Variants in ACACB observed in about 807,000 individuals in gnomAD.
ACACB encodes the protein acetyl-CoA carboxylase 2.
A neutral mutation model predicts 278.8 loss-of-function variants in ACACB; 209 were observed. The ratio of observed to expected loss-of-function variants is 0.75; its 90% CI spans 0.67 to 0.84. The LOEUF is 0.84. Among genes scored for constraint, ACACB ranks in the 40% least tolerant of loss-of-function variants. The pLI is 0.00. For synonymous variants in ACACB, 1,174 were observed against 1,285.6 expected (o/e 0.91, Z 1.86); for missense variants, 2,850 against 3,269.0 (o/e 0.87, Z 3.13).
At chr12:109,229,096 C>T (rs1177044500) in intron 28 of ACACB, among the ~76,000 whole-genome samples, 3 of 152,056 alleles carry the variant, frequency 2.0e-5, no homozygotes, top group Non-Finnish European at 2.9e-5. Context: ...GCGCACACCA[C>T]CATGCTCGGC....
chr12:109,149,301 G>A (rs891176649), intron 2 of ACACB, among the ~76,000 whole-genome samples: 1 of 152,156 alleles, frequency 6.6e-6, no homozygotes, highest in African/African-American at 2.4e-5. Context: ...AGTCGTATGA[G>A]CTTGAGGACA....
chr12:109,158,224 A>G (rs2136112400), intron 2 of ACACB, among the ~76,000 whole-genome samples: 1 of 152,220 alleles, frequency 6.6e-6, no homozygotes, highest in East Asian at 1.9e-4. Flanking sequence ...TGTTGTAACT[A>G]CTCAACTCTG....
In ACACB at chr12:109,210,124, C is replaced by T. The variant is rs575802310; in HGVS notation, c.3249+771C>T. 1.2e-4 allele frequency among the ~76,000 whole-genome samples: 8 copies of T among 68,512 alleles called. 2 individuals carry two copies. In the South Asian group the frequency reaches 3.5e-3, roughly 30 times the overall value. The allele number at this position is 68,512 out of a possible 152,430, so 44.9% of individuals were successfully genotyped here. A position where few individuals can be genotyped will look rare whatever the true frequency, so the allele number is the denominator to read the frequency against. On this transcript the variant is annotated intron_variant, in intron 21 of 52. Transcript: ENST00000338432. ...GTGTGTATATGTATATATACACGTA[C>T]ATGTATGTGTGTATATATGTATATA...
At chr12:109,253,370 A>G (rs1565976013) in intron 43 of ACACB, among the ~76,000 whole-genome samples, 1 of 152,158 alleles carries the variant, frequency 6.6e-6, no homozygotes, top group East Asian at 1.9e-4. Flanking sequence ...CACTAATGCC[A>G]TTGTAAGGAT....
chr12:109,266,348 C>T lies in ACACB; in HGVS notation c.7363C>T (p.Pro2455Ser), dbSNP rs1351922103. Reference sequence around the variant, plus strand: ...TCACCTGCTGTCTACCATGGACAGCCCGGCCTCCACCTGACCGTGGCCCGC... The same window carrying T: ...TCACCTGCTGTCTACCATGGACAGCTCGGCCTCCACCTGACCGTGGCCCGC... ...VVHLLSTMDS[P>S]AST Residue 2455 changes from proline (P) to serine (S), a missense_variant, in exon 53 of 53, where the codon CCG (proline) becomes TCG (serine). Physicochemically the swap from Pro to Ser is moderately conservative, Grantham distance 74. Coordinates refer to ENST00000338432, the MANE Select transcript of ACACB (RefSeq NM_001093.4). 1 of 1,608,082 alleles carries T rather than the reference C, an allele frequency of 6.2e-7. No homozygotes were observed. The highest frequency in any genetic ancestry group is 2.2e-5 in the East Asian group (1 of 44,754).
chr12:109,153,938 A>G (rs1468403158), intron 2 of ACACB, among the ~76,000 whole-genome samples: 3 of 152,180 alleles, frequency 2.0e-5, no homozygotes, highest in Non-Finnish European at 4.4e-5. Flanking sequence ...TATTACAGGC[A>G]TGAGCTACCA....
chr12:109,166,773 C>T (rs1593447785), intron 2 of ACACB, 88 bp from the exon 3 acceptor site: 1 of 1,531,812 alleles, frequency 6.5e-7, no homozygotes. Context: ...CAGTTTGGCT[C>T]CTCTGCTCCA....
rs1455442276 is a variant in ACACB at position 109,217,040 on chromosome 12, G to A, written c.3564+120G>A. 7 of 1,310,348 alleles carry A rather than the reference G, an allele frequency of 5.3e-6. No homozygotes were observed. In the Admixed American group the frequency reaches 1.3e-4, roughly 24 times the overall value. The allele number at this position is 1,310,348 out of a possible 1,614,324, so 81.2% of individuals were successfully genotyped here. Reference sequence around the variant, plus strand: ...CTCATGCCTGTAATCCCATCACTTTGGGAGGCTGAGGCGGGCAGATCACTT... The same window carrying A: ...CTCATGCCTGTAATCCCATCACTTTAGGAGGCTGAGGCGGGCAGATCACTT... On this transcript the variant is annotated intron_variant, in intron 24 of 52. Coordinates refer to ENST00000338432, the MANE Select transcript of ACACB (RefSeq NM_001093.4).
chr12:109,195,701 A>T (rs1041871278), intron 16 of ACACB, among the ~76,000 whole-genome samples: 11 of 151,858 alleles, frequency 7.2e-5, no homozygotes, highest in Non-Finnish European at 1.6e-4. Flanking sequence ...TGATCATGGC[A>T]TAAAGTTTTC....
intron 1 of ACACB, among the ~76,000 whole-genome samples, chr12:109,134,420 G>A (rs1214443032): frequency 6.6e-6 from 1 of 152,172 alleles, no homozygotes; most frequent in Non-Finnish European, 1.5e-5. Flanking sequence ...TCCTTTCCTG[G>A]GGAGGATGTA....
chr12:109,246,666 C>T (rs1046845624), intron 39 of ACACB, among the ~76,000 whole-genome samples: 6 of 152,046 alleles, frequency 3.9e-5, no homozygotes, highest in African/African-American at 1.5e-4. Flanking sequence ...TAAAAAGGCT[C>T]CTTAACGGGG....
At chr12:109,127,992 G>A (rs1016077287) in intron 1 of ACACB, among the ~76,000 whole-genome samples, 2 of 152,176 alleles carry the variant, frequency 1.3e-5, no homozygotes, top group Non-Finnish European at 2.9e-5. Flanking sequence ...AATTCTGCTT[G>A]AGATGTCCTG....
intron 1 of ACACB, among the ~76,000 whole-genome samples, chr12:109,135,432 A>G (rs1233189153): frequency 6.6e-6 from 1 of 151,974 alleles, no homozygotes; most frequent in Non-Finnish European, 1.5e-5. Flanking sequence ...CTCTTATTAG[A>G]TATATGGTTT....
At chr12:109,118,003 G>C (rs2042449781) in intron 1 of ACACB, among the ~76,000 whole-genome samples, 1 of 152,182 alleles carries the variant, frequency 6.6e-6, no homozygotes, top group African/African-American at 2.4e-5. Flanking sequence ...GCCCGCCTCG[G>C]CCTCCCAGAG....
chr12:109,112,063 C>G (rs1031663039), upstream of ACACB, among the ~76,000 whole-genome samples: 9 of 151,970 alleles, frequency 5.9e-5, no homozygotes, highest in Admixed American at 2.0e-4. Context: ...TCTCTCTCTC[C>G]CGGTGCAGCA....
chr12:109,230,001 C>T (rs1294321633), intron 28 of ACACB, among the ~76,000 whole-genome samples: 1 of 152,182 alleles, frequency 6.6e-6, no homozygotes, highest in East Asian at 1.9e-4. Context: ...CGCTCCCTCA[C>T]CCCTCTGGTT....
chr12:109,181,931 G>A (rs1470143797), intron 11 of ACACB, among the ~76,000 whole-genome samples: 2 of 128,868 alleles, frequency 1.6e-5, no homozygotes, highest in African/African-American at 5.9e-5. Context: ...AGCAACCTCT[G>A]CCTCACGGTT....
At chr12:109,184,706 ATTTTT>A (rs201836386) in intron 11 of ACACB, among the ~76,000 whole-genome samples, 1 of 139,196 alleles carries the variant, frequency 7.2e-6, no homozygotes, top group Non-Finnish European at 1.6e-5. Flanking sequence ...TGGCATTAAA[ATTTTT>A]TTTTTTTTTT....
intron 37 of ACACB, among the ~76,000 whole-genome samples, chr12:109,244,175 G>A (rs914313493): frequency 6.6e-6 from 1 of 152,128 alleles, no homozygotes; most frequent in Admixed American, 6.6e-5. Flanking sequence ...AGTGAATGAC[G>A]TTCATGAAAC....
Sources: allele counts gnomAD v4.1 joint callset (sites outside exome capture counted in the v4.1 genomes callset), GRCh38; gene constraint gnomAD v4.1.1; transcripts MANE v1.5; gene names NCBI Gene and HGNC (gene_info 2026-07-23, HGNC 2026-07-21).